CXCL13: variants seen among roughly 807,000 people sequenced by gnomAD.
CXCL13 encodes the protein C-X-C motif chemokine ligand 13, also known as C-X-C motif chemokine 13.
CXCL13 carries 7 observed loss-of-function variants against 12.2 expected under a neutral mutation model. That is an observed-to-expected ratio of 0.57 (90% CI 0.33 to 1.07). The LOEUF (loss-of-function observed/expected upper bound fraction) is 1.07, where lower values mean the gene tolerates loss of function less well. Among genes scored for constraint, CXCL13 ranks in the 50% least tolerant of loss-of-function variants. The probability of loss-of-function intolerance (pLI) is 0.04; values close to 1 mark genes in which losing one functional copy is unlikely to be tolerated. For synonymous variants in CXCL13, 47 were observed against 42.4 expected (o/e 1.11, Z -0.42); for missense variants, 113 against 127.4 (o/e 0.89, Z 0.55).
intron 1 of CXCL13, among the ~76,000 whole-genome samples, chr4:77,582,345 G>C (rs1269278104): frequency 1.3e-5 from 2 of 152,200 alleles, no homozygotes; most frequent in Admixed American, 1.3e-4. Context: ...AAGAGAGACA[G>C]TATGATTCTT....
At chr4:77,519,210 A>G (rs1342950540) in intron 1 of CXCL13, among the ~76,000 whole-genome samples, 1 of 152,018 alleles carries the variant, frequency 6.6e-6, no homozygotes, top group Non-Finnish European at 1.5e-5. Context: ...CTACTGGGGG[A>G]TGCCTCCCAG....
chr4:77,593,425 T>C (rs909725458), intron 1 of CXCL13, among the ~76,000 whole-genome samples: 7 of 152,218 alleles, frequency 4.6e-5, no homozygotes, highest in African/African-American at 1.7e-4. Flanking sequence ...ACTGGTGCCA[T>C]CACGATGAAT....
At chr4:77,582,101 A>G (rs538625753) in intron 1 of CXCL13, among the ~76,000 whole-genome samples, 2 of 152,324 alleles carry the variant, frequency 1.3e-5, no homozygotes, top group Admixed American at 6.5e-5. Context: ...TCCTAATATA[A>G]AAATTTAAAA....
At chr4:77,547,377 AG>A (rs1416009753) in intron 1 of CXCL13, among the ~76,000 whole-genome samples, 2 of 152,166 alleles carry the variant, frequency 1.3e-5, no homozygotes, top group Non-Finnish European at 2.9e-5. Flanking sequence ...GTCTCTTTCT[AG>A]GTCTCTAAGG....
At chr4:77,544,670 C>T (rs1334475760) in intron 1 of CXCL13, among the ~76,000 whole-genome samples, 5 of 152,104 alleles carry the variant, frequency 3.3e-5, no homozygotes, top group African/African-American at 1.2e-4. Context: ...GGGTAGATTG[C>T]AAAAATTTTC....
chr4:77,601,627 TTAATTC>T (rs1223567117), upstream of CXCL13, among the ~76,000 whole-genome samples: 1 of 152,234 alleles, frequency 6.6e-6, no homozygotes, highest in Non-Finnish European at 1.5e-5. Context: ...CTGTGACATT[TTAATTC>T]ACAGCAGGAG....
chr4:77,539,126 G>T (rs529093248), intron 1 of CXCL13, among the ~76,000 whole-genome samples: 1 of 150,210 alleles, frequency 6.7e-6, no homozygotes, highest in Admixed American at 6.7e-5. Context: ...GGGCAGTGGC[G>T]TGATCTCAGC....
Position 77,607,775 on chromosome 4 carries a change from G to C in CXCL13, c.137G>C (p.Arg46Pro), listed in dbSNP as rs200223583. The change falls in exon 2 of 4, where the codon CGC becomes CCC. Residue 46 changes from arginine to proline, a missense_variant. Coordinates refer to ENST00000682537, the MANE Select transcript of CXCL13 (RefSeq NM_001371558.1). ...GAGAGCTCAGTCTTTATCCCTAGAC[G>C]CTTCATTGATCGAATTCAAATCTTG... ...VQESSVFIPR[R>P]FIDRIQILPR... The C allele has an allele frequency of 8.7e-6, 14 of 1,613,812 alleles. No individual in the cohort carries two copies. The highest frequency in any genetic ancestry group is 5.0e-5 in the Admixed American group (3 of 60,000).
At chr4:77,511,994 A>T (rs142747312) in intron 1 of CXCL13, among the ~76,000 whole-genome samples, 32 of 152,338 alleles carry the variant, frequency 2.1e-4, no homozygotes, top group Non-Finnish European at 3.7e-4. Flanking sequence ...GCACTGTGCC[A>T]TGGAGCACCT....
At chr4:77,545,359 T>C (rs1419805829) in intron 1 of CXCL13, among the ~76,000 whole-genome samples, 1 of 152,206 alleles carries the variant, frequency 6.6e-6, no homozygotes, top group Admixed American at 6.5e-5. Context: ...TTTCATGATA[T>C]TGATTCTTCC....
intron 1 of CXCL13, among the ~76,000 whole-genome samples, chr4:77,564,455 A>G (rs1725878915): frequency 6.6e-6 from 1 of 152,264 alleles, no homozygotes; most frequent in African/African-American, 2.4e-5. Context: ...CACTTGAACT[A>G]GCTGTTCTGC....
intron 1 of CXCL13, among the ~76,000 whole-genome samples, chr4:77,546,037 T>C (rs984151039): frequency 1.3e-5 from 2 of 152,206 alleles, no homozygotes; most frequent in Non-Finnish European, 2.9e-5. Flanking sequence ...TCTGTTTATA[T>C]GATGGATTAC....
intron 1 of CXCL13, among the ~76,000 whole-genome samples, chr4:77,517,830 G>A (rs1331455558): frequency 2.6e-5 from 4 of 152,176 alleles, no homozygotes; most frequent in African/African-American, 7.2e-5. Flanking sequence ...ATTGTTATGT[G>A]TGAATTTGAA....
intron 1 of CXCL13, among the ~76,000 whole-genome samples, chr4:77,550,219 G>A (rs902846759): frequency 3.3e-5 from 5 of 152,212 alleles, no homozygotes; most frequent in African/African-American, 9.6e-5. Flanking sequence ...TAGGGCAGGA[G>A]TGTCCTGGTT....
upstream of CXCL13, among the ~76,000 whole-genome samples, chr4:77,601,389 TA>T (rs1438404481): frequency 2.6e-5 from 4 of 151,748 alleles, no homozygotes; most frequent in African/African-American, 7.3e-5. Context: ...TAAAGCTGTT[TA>T]AAAAATGGTA....
chr4:77,559,515 G>A (rs916728306), intron 1 of CXCL13, among the ~76,000 whole-genome samples: 7 of 152,080 alleles, frequency 4.6e-5, no homozygotes, highest in African/African-American at 1.4e-4. Flanking sequence ...CTTCATTCTG[G>A]GGAGAGTTTG....
intron 1 of CXCL13, among the ~76,000 whole-genome samples, chr4:77,516,300 T>C (rs1724417648): frequency 6.6e-6 from 1 of 152,206 alleles, no homozygotes; most frequent in South Asian, 2.1e-4. Flanking sequence ...CCGGCTTTGG[T>C]GTCAGGATGA....
intron 1 of CXCL13, among the ~76,000 whole-genome samples, chr4:77,542,023 G>A (rs1025893708): frequency 6.6e-6 from 1 of 152,042 alleles, no homozygotes; most frequent in African/African-American, 2.4e-5. Flanking sequence ...TACTATTTGT[G>A]TATAGAAATG....
chr4:77,520,037 T>G (rs944885124), intron 1 of CXCL13, among the ~76,000 whole-genome samples: 2 of 152,196 alleles, frequency 1.3e-5, no homozygotes, highest in African/African-American at 4.8e-5. Context: ...ATGTGTGGTG[T>G]TATTTCTGAG....
Sources: allele counts gnomAD v4.1 joint callset (sites outside exome capture counted in the v4.1 genomes callset), GRCh38; gene constraint gnomAD v4.1.1; transcripts MANE v1.5; gene names NCBI Gene and HGNC (gene_info 2026-07-23, HGNC 2026-07-21).